TNIK: variants seen among roughly 807,000 people sequenced by gnomAD.
TNIK encodes the protein TRAF2 and NCK-interacting protein kinase.
TNIK carries 49 observed loss-of-function variants against 191.3 expected under a neutral mutation model. The ratio of observed to expected loss-of-function variants is 0.26; its 90% CI spans 0.20 to 0.32. The LOEUF is 0.32. Ranked by LOEUF, TNIK falls within the 10% of genes least tolerant of loss-of-function variation. The probability of loss-of-function intolerance (pLI) is 1.00; values close to 1 mark genes in which losing one functional copy is unlikely to be tolerated. For missense variants in TNIK, 1,155 were observed against 1,702.3 expected (o/e 0.68, Z 5.66); for synonymous variants, 594 against 600.9 (o/e 0.99, Z 0.17).
chr3:171,277,265 T>C (rs1165671282), intron 2 of TNIK, among the ~76,000 whole-genome samples: 2 of 152,174 alleles, frequency 1.3e-5, no homozygotes, highest in Non-Finnish European at 1.5e-5. Context: ...AAAACTTCTA[T>C]TGTTTATAAG....
chr3:171,188,949 G>T (rs1737693038), intron 6 of TNIK, 117 bp from the exon 7 acceptor site: 1 of 1,305,808 alleles, frequency 7.7e-7, no homozygotes, highest in Non-Finnish European at 1.0e-6. Flanking sequence ...GTACAATTTT[G>T]ACCATTTTCA....
intron 4 of TNIK, among the ~76,000 whole-genome samples, chr3:171,206,983 T>C (rs1577119617): frequency 6.6e-6 from 1 of 152,120 alleles, no homozygotes; most frequent in Non-Finnish European, 1.5e-5. Context: ...CTGTTCTAGC[T>C]CAGGTGATAT....
chr3:171,069,117 T>G, intron 29 of TNIK, 120 bp from the exon 30 acceptor site: 1 of 1,295,056 alleles, frequency 7.7e-7, no homozygotes, highest in Non-Finnish European at 1.1e-6. Context: ...ACTAGAAAAT[T>G]TCTCTTTCAG....
intron 1 of TNIK, among the ~76,000 whole-genome samples, chr3:171,438,317 G>T (rs1212785620): frequency 6.6e-6 from 1 of 152,158 alleles, no homozygotes; most frequent in Non-Finnish European, 1.5e-5. Flanking sequence ...TTTCCCAGGG[G>T]TCCTGCACTT....
At chr3:171,347,360 G>GTTTGTGGAAGTATCCCAAGCTCCCAGCA in intron 2 of TNIK, 1 of 762,852 alleles carries the variant, frequency 1.3e-6, no homozygotes, top group Non-Finnish European at 2.1e-6. Flanking sequence ...CTAAGTGCCT[G>GTTTGTGGAAGTATCCCAAGCTCCCAGCA]CAGAGCTGGC....
At chr3:171,352,016 G>A (rs1205850716) in intron 2 of TNIK, among the ~76,000 whole-genome samples, 1 of 152,130 alleles carries the variant, frequency 6.6e-6, no homozygotes, top group African/African-American at 2.4e-5. Context: ...AAGTTAAATG[G>A]GCATATAAAT....
At chr3:171,201,418 A>AATAT (rs1202368132) in intron 4 of TNIK, among the ~76,000 whole-genome samples, 51 of 152,108 alleles carry the variant, frequency 3.4e-4, no homozygotes, top group Non-Finnish European at 5.9e-4. Flanking sequence ...TAAATAAATA[A>AATAT]ATATAAATAA....
chr3:171,383,035 C>G (rs1303402028), intron 1 of TNIK, among the ~76,000 whole-genome samples: 3 of 152,114 alleles, frequency 2.0e-5, no homozygotes, highest in Non-Finnish European at 2.9e-5. Flanking sequence ...ATCTCTGCAT[C>G]AATCCTGTGA....
At chr3:171,267,361 G>T (rs953989338) in intron 2 of TNIK, among the ~76,000 whole-genome samples, 1 of 152,154 alleles carries the variant, frequency 6.6e-6, no homozygotes, top group Non-Finnish European at 1.5e-5. Context: ...AAAGTAAAGG[G>T]CCAGTCTCTT....
At chr3:171,281,085 T>C (rs1316478773) in intron 2 of TNIK, among the ~76,000 whole-genome samples, 1 of 152,174 alleles carries the variant, frequency 6.6e-6, no homozygotes, top group Non-Finnish European at 1.5e-5. Context: ...AAATAGATTT[T>C]ATCTATTAGT....
At chr3:171,317,938 C>T (rs1336381913) in intron 2 of TNIK, among the ~76,000 whole-genome samples, 1 of 152,136 alleles carries the variant, frequency 6.6e-6, no homozygotes, top group East Asian at 1.9e-4. Flanking sequence ...TCCCATGGGA[C>T]AGTAACCATC....
intron 2 of TNIK, among the ~76,000 whole-genome samples, chr3:171,324,016 G>T (rs1755467725): frequency 6.6e-6 from 1 of 152,110 alleles, no homozygotes; most frequent in East Asian, 1.9e-4. Flanking sequence ...AGTAGCTCCA[G>T]TAAATATCCA....
intron 2 of TNIK, among the ~76,000 whole-genome samples, chr3:171,333,098 G>C (rs974011584): frequency 1.5e-4 from 23 of 152,244 alleles, no homozygotes; most frequent in African/African-American, 5.5e-4. Flanking sequence ...CCAGTTGATG[G>C]CCTTCGAACT....
intron 1 of TNIK, among the ~76,000 whole-genome samples, chr3:171,398,070 C>T (rs1384760325): frequency 6.6e-6 from 1 of 152,202 alleles, no homozygotes; most frequent in African/African-American, 2.4e-5. Context: ...GATATGCATA[C>T]TTTTAATTTA....
intron 4 of TNIK, among the ~76,000 whole-genome samples, chr3:171,202,504 A>G (rs1382714269): frequency 1.3e-5 from 2 of 152,246 alleles, no homozygotes; most frequent in South Asian, 2.1e-4. Flanking sequence ...AGTTATCTAA[A>G]AAAAGGAATC....
chr3:171,233,485 T>C (rs1743917555), intron 2 of TNIK, among the ~76,000 whole-genome samples: 1 of 152,230 alleles, frequency 6.6e-6, no homozygotes, highest in Admixed American at 6.5e-5. Context: ...CAATCATAGA[T>C]GCTGCAGTGT....
intron 1 of TNIK, among the ~76,000 whole-genome samples, chr3:171,374,340 A>C (rs553237463): frequency 6.6e-6 from 1 of 152,214 alleles, no homozygotes; most frequent in Non-Finnish European, 1.5e-5. Flanking sequence ...CCTCACGTGC[A>C]TTGAGAAGAC....
chr3:171,189,601 C>A (rs774627002), intron 6 of TNIK, among the ~76,000 whole-genome samples: 48 of 152,266 alleles, frequency 3.2e-4, no homozygotes, highest in Admixed American at 2.0e-3. Flanking sequence ...AGTGGTATGA[C>A]CTAGGGCTAG....
chr3:171,102,174 C>T (rs1275666968), intron 21 of TNIK: 1 of 152,128 alleles, frequency 6.6e-6, no homozygotes, highest in African/African-American at 2.4e-5. Flanking sequence ...AATGGAGGTA[C>T]CACATCAAAT....
Sources: allele counts gnomAD v4.1 joint callset (sites outside exome capture counted in the v4.1 genomes callset), GRCh38; gene constraint gnomAD v4.1.1; transcripts MANE v1.5; gene names NCBI Gene and HGNC (gene_info 2026-07-23, HGNC 2026-07-21).